The following MAML2 variants were observed in gnomAD, a reference collection of about 807,000 sequenced individuals.
MAML2 encodes the protein mastermind like transcriptional coactivator 2.
A neutral mutation model predicts 96.1 loss-of-function variants in MAML2; 22 were observed. The ratio of observed to expected loss-of-function variants is 0.23; its 90% CI spans 0.16 to 0.33. The LOEUF (loss-of-function observed/expected upper bound fraction) is 0.33, where lower values mean the gene tolerates loss of function less well. Ranked by LOEUF, MAML2 falls within the 10% of genes least tolerant of loss-of-function variation. MAML2 has a pLI of 1.00. For synonymous variants in MAML2, 561 were observed against 521.3 expected, an observed-to-expected ratio of 1.08 and a Z score of -1.04; for missense variants, 1,367 against 1,392.4, an observed-to-expected ratio of 0.98 and a Z score of 0.29.
At chr11:96,147,106 C>A (rs1291058231) in intron 1 of MAML2, among the ~76,000 whole-genome samples, 1 of 152,168 alleles carries the variant, frequency 6.6e-6, no homozygotes, top group Non-Finnish European at 1.5e-5. Context: ...TAGTATCTGG[C>A]TCATTGTAGG....
chr11:96,215,630 C>CGGTTAATTAA (rs1862038151), intron 1 of MAML2, among the ~76,000 whole-genome samples: 1 of 151,758 alleles, frequency 6.6e-6, no homozygotes, highest in Admixed American at 6.6e-5. Flanking sequence ...AGCAGTTCAC[C>CGGTTAATTAA]GGTTAATTAA....
intron 1 of MAML2, among the ~76,000 whole-genome samples, chr11:96,118,740 A>G (rs1228858705): frequency 6.6e-6 from 1 of 152,224 alleles, no homozygotes. Context: ...AAGGAACAGA[A>G]TAAGTCAAGA....
In MAML2 at chr11:95,979,632, A is replaced by G; in HGVS notation, c.2787T>C (p.Ser929=). ...NNNVATFGAG[S]VGNSQQLRPN... Reference sequence around the variant, plus strand: ...GTCTCAATTGTTGTGAATTACCAACAGATCCAGCTCCAAAAGTGGCTACAT... The same window carrying G: ...GTCTCAATTGTTGTGAATTACCAACGGATCCAGCTCCAAAAGTGGCTACAT... The change falls in exon 5 of 5, where the codon TCT becomes TCC. Residue 929 remains serine (S), a synonymous_variant. Coordinates refer to ENST00000524717, the MANE Select transcript of MAML2 (RefSeq NM_032427.4). The G allele has an allele frequency of 1.2e-6, 2 of 1,614,012 alleles. No homozygotes were observed. Among genetic ancestry groups the G allele is most frequent in the South Asian group, 1.1e-5 (1 of 91,080 alleles).
chr11:96,204,779 T>C (rs909680301), intron 1 of MAML2, among the ~76,000 whole-genome samples: 2 of 152,252 alleles, frequency 1.3e-5, no homozygotes, highest in East Asian at 3.8e-4. Flanking sequence ...GGACTCAGGT[T>C]TCCTGGCTTT....
At chr11:96,155,323 G>T (rs550906287) in intron 1 of MAML2, among the ~76,000 whole-genome samples, 5 of 151,706 alleles carry the variant, frequency 3.3e-5, no homozygotes, top group Non-Finnish European at 7.4e-5. Context: ...CATAAAGGAA[G>T]TGGTCCTGGG....
At chr11:96,261,392 G>A (rs1030609293) in intron 1 of MAML2, among the ~76,000 whole-genome samples, 2 of 151,944 alleles carry the variant, frequency 1.3e-5, no homozygotes, top group Non-Finnish European at 2.9e-5. Flanking sequence ...CCCAGTTTTG[G>A]GTGTTTTGTT....
chr11:96,218,494 T>C (rs908445284), intron 1 of MAML2, among the ~76,000 whole-genome samples: 2 of 152,174 alleles, frequency 1.3e-5, no homozygotes, highest in African/African-American at 4.8e-5. Flanking sequence ...AAGGCCAGAA[T>C]TTCTTGAATA....
At chr11:96,246,645 T>TTCA (rs762903483) in intron 1 of MAML2, among the ~76,000 whole-genome samples, 3 of 152,194 alleles carry the variant, frequency 2.0e-5, no homozygotes, top group Non-Finnish European at 4.4e-5. Context: ...TCAGTCAAAG[T>TTCA]ATGAATGGAG....
intron 2 of MAML2, among the ~76,000 whole-genome samples, chr11:96,007,674 CTAAA>C (rs144347377): frequency 0.028 from 4,222 of 151,896 alleles, 193 homozygotes; most frequent in African/African-American, 0.097. Flanking sequence ...AAGTAAACAA[CTAAA>C]TAATTACTTG....
intron 1 of MAML2, among the ~76,000 whole-genome samples, chr11:96,336,010 T>C (rs370422282): frequency 6.6e-6 from 1 of 152,220 alleles, no homozygotes; most frequent in African/African-American, 2.4e-5. Flanking sequence ...GTGGTACTCA[T>C]GTTTTGAGCA....
At chr11:96,070,109 G>C (rs1360919159) in intron 2 of MAML2, among the ~76,000 whole-genome samples, 1 of 151,880 alleles carries the variant, frequency 6.6e-6, no homozygotes, top group African/African-American at 2.4e-5. Context: ...GGCTAACACA[G>C]TGAAACCCCG....
chr11:96,024,377 G>A (rs1462982285), intron 2 of MAML2, among the ~76,000 whole-genome samples: 3 of 152,164 alleles, frequency 2.0e-5, no homozygotes, highest in East Asian at 1.9e-4. Context: ...GTCAAATCAC[G>A]GGGATACAAT....
chr11:96,060,948 C>T (rs1286453345), intron 2 of MAML2, among the ~76,000 whole-genome samples: 1 of 152,156 alleles, frequency 6.6e-6, no homozygotes, highest in Admixed American at 6.5e-5. Context: ...GAAAGAGAGA[C>T]TGAGAACTCA....
At chr11:96,032,660 G>A (rs1858636885) in intron 2 of MAML2, among the ~76,000 whole-genome samples, 1 of 151,688 alleles carries the variant, frequency 6.6e-6, no homozygotes, top group African/African-American at 2.4e-5. Context: ...CTTATTTGGT[G>A]AATAGATAAA....
chr11:96,091,206 C>T (rs968995348), intron 2 of MAML2, among the ~76,000 whole-genome samples: 3 of 152,130 alleles, frequency 2.0e-5, no homozygotes, highest in Admixed American at 2.0e-4. Context: ...TAACATTTAA[C>T]TCAGACTTTG....
intron 1 of MAML2, among the ~76,000 whole-genome samples, chr11:96,201,381 C>G (rs2135930423): frequency 6.6e-6 from 1 of 152,302 alleles, no homozygotes; most frequent in South Asian, 2.1e-4. Flanking sequence ...ATGTACAATT[C>G]CATCATAGGC....
At chr11:96,170,259 C>T (rs1227164590) in intron 1 of MAML2, among the ~76,000 whole-genome samples, 3 of 152,210 alleles carry the variant, frequency 2.0e-5, no homozygotes, top group African/African-American at 7.2e-5. Flanking sequence ...TTTCTCCCTC[C>T]TCTGCCCATA....
chr11:96,029,976 A>G (rs1033143527), intron 2 of MAML2, among the ~76,000 whole-genome samples: 8 of 152,148 alleles, frequency 5.3e-5, no homozygotes, highest in African/African-American at 7.2e-5. Context: ...GCTCACGCCT[A>G]TAATCCCAGC....
chr11:96,026,877 T>C (rs1384557775), intron 2 of MAML2, among the ~76,000 whole-genome samples: 3 of 76,708 alleles, frequency 3.9e-5, no homozygotes, highest in Non-Finnish European at 8.5e-5. Context: ...TCCTGGCAAA[T>C]AAATAAATAA....
Sources: allele counts gnomAD v4.1 joint callset (sites outside exome capture counted in the v4.1 genomes callset), GRCh38; gene constraint gnomAD v4.1.1; transcripts MANE v1.5; gene names NCBI Gene and HGNC (gene_info 2026-07-23, HGNC 2026-07-21).